The following AOAH variants were observed in gnomAD, a reference collection of about 807,000 sequenced individuals.
AOAH encodes acyloxyacyl hydrolase, also known as acyloxyacyl hydrolase (neutrophil).
A neutral mutation model predicts 92.2 loss-of-function variants in AOAH; 64 were observed. That is an observed-to-expected ratio of 0.69 (90% CI 0.57 to 0.86). The LOEUF is 0.86. AOAH is among the 40% of genes least tolerant of loss of function. The pLI, the probability that AOAH is intolerant of heterozygous loss-of-function variation, is 0.00. For missense variants in AOAH, 656 were observed against 694.6 expected, an observed-to-expected ratio of 0.94 and a Z score of 0.62; for synonymous variants, 263 against 254.5, an observed-to-expected ratio of 1.03 and a Z score of -0.32.
chr7:36,623,768 T>C (rs1185178183), intron 6 of AOAH, among the ~76,000 whole-genome samples: 1 of 152,196 alleles, frequency 6.6e-6, no homozygotes, highest in African/African-American at 2.4e-5. Context: ...ACGAAATAAA[T>C]TGATGCCAAA....
chr7:36,700,480 T>C lies in AOAH; in HGVS notation c.128-13686A>G, dbSNP rs866126995. Among the ~76,000 whole-genome samples, 99 of 152,230 alleles carry C rather than the reference T, an allele frequency of 6.5e-4. 1 individual carries two copies. The highest frequency in any genetic ancestry group is 2.3e-3 in the African/African-American group (97 of 41,574). ...AGATAATGGCCTCCAGTTCCATCCA[T>C]GTTGTTGCAAAAGACATGATTTCAT... On this transcript the variant is annotated intron_variant, in intron 1 of 20. Coordinates refer to ENST00000617537, the MANE Select transcript of AOAH (RefSeq NM_001637.4).
rs200938965 is a variant in AOAH, at chr7:36,569,816, C to T, written c.1021+6758G>A. ...TTAGTAGAGATGAGGTTTCACCATG[C>T]TGGCCAGGCTGGTCTCAAACTCCTG... On this transcript the variant is annotated intron_variant, in intron 13 of 20. Coordinates refer to ENST00000617537, the MANE Select transcript of AOAH (RefSeq NM_001637.4). 4.6e-5 allele frequency among the ~76,000 whole-genome samples: 7 copies of T among 152,020 alleles called. No homozygotes were observed. In the East Asian group the frequency reaches 1.2e-3, roughly 25 times the overall value.
At position 36,621,713 on chromosome 7, in the gene AOAH, C is replaced by T. The variant is rs1315298983; in HGVS notation, c.650G>A (p.Arg217Lys). ...AGCAACCAGCAGAAATAGTTACCTT[C>T]TACCTGGGTACACTGACTCGTCGCT... Reference protein sequence around the residue: ...NDSDESVYPGRRPNNWDVHQD... With the variant: ...NDSDESVYPGKRPNNWDVHQD... Residue 217 changes from arginine (R) to lysine (K), a missense_variant, in exon 8 of 21, where the codon AGA (arginine) becomes AAA (lysine). Physicochemically the swap from Arg to Lys is conservative, Grantham distance 26 (BLOSUM62 2). Transcript: ENST00000617537. The T allele has an allele frequency of 6.2e-7, 1 of 1,614,082 alleles. No individual in the cohort carries two copies. The highest frequency in any genetic ancestry group is 1.1e-5 in the South Asian group (1 of 91,088).
intron 1 of AOAH, among the ~76,000 whole-genome samples, chr7:36,698,157 A>G (rs1797830047): frequency 6.6e-6 from 1 of 152,086 alleles, no homozygotes; most frequent in Admixed American, 6.5e-5. Flanking sequence ...TTTTTCTTAA[A>G]TCATGTCTCC....
rs1027700111 is a variant in AOAH at position 36,690,396 on chromosome 7, G to A, written c.128-3602C>T. 1.1e-4 allele frequency among the ~76,000 whole-genome samples: 17 copies of A among 152,208 alleles called. 1 individual carries two copies. The East Asian group carries it at 1.5e-3, about 14-fold the overall frequency. On this transcript the variant is annotated intron_variant, in intron 1 of 20. Coordinates refer to ENST00000617537, the MANE Select transcript of AOAH (RefSeq NM_001637.4). ...GAGTCCTGCTCATTCAGCCATCTCC[G>A]CCTGTCTCCAGTGGGCTCACCTCCC...
rs1216342521 is a variant in AOAH at position 36,540,136 on chromosome 7, A to G, written c.1306+183T>C. ...TCTGCCCTTTCTGCCTTTGGATCTGATTCGGCTCACCTCTGGATAATGACC... is the reference window on the plus strand; with the variant it reads ...TCTGCCCTTTCTGCCTTTGGATCTGGTTCGGCTCACCTCTGGATAATGACC... On this transcript the variant is annotated intron_variant, in intron 16 of 20. Coordinates refer to ENST00000617537, the MANE Select transcript of AOAH (RefSeq NM_001637.4). 2.0e-5 allele frequency among the ~76,000 whole-genome samples: 3 copies of G among 147,984 alleles called. No individual in the cohort carries two copies. The East Asian group carries it at 5.8e-4, about 28-fold the overall frequency.
At chr7:36,593,050 C>A (rs974836827) in intron 12 of AOAH, among the ~76,000 whole-genome samples, 3 of 152,168 alleles carry the variant, frequency 2.0e-5, no homozygotes, top group Non-Finnish European at 4.4e-5. Context: ...CCATGTGTTA[C>A]CCACCCAAAG....
At chr7:36,555,765 A>G (rs1299233101) in intron 13 of AOAH, among the ~76,000 whole-genome samples, 2 of 152,044 alleles carry the variant, frequency 1.3e-5, no homozygotes, top group Non-Finnish European at 2.9e-5. Flanking sequence ...TTTCTAGTTT[A>G]TTTGCGTAGA....
chr7:36,599,257 G>C (rs951064658), intron 11 of AOAH, among the ~76,000 whole-genome samples: 15 of 152,134 alleles, frequency 9.9e-5, no homozygotes, highest in Non-Finnish European at 1.9e-4. Context: ...ATTCGAATTT[G>C]GTAATATTTT....
At chr7:36,705,716 G>A (rs1184927402) in intron 1 of AOAH, among the ~76,000 whole-genome samples, 2 of 152,024 alleles carry the variant, frequency 1.3e-5, no homozygotes, top group Admixed American at 6.6e-5. Flanking sequence ...GAGGCATCAC[G>A]TTACCTGACT....
chr7:36,703,724 T>A (rs1265149911), intron 1 of AOAH, among the ~76,000 whole-genome samples: 2 of 151,928 alleles, frequency 1.3e-5, no homozygotes, highest in Non-Finnish European at 2.9e-5. Context: ...GGACACGAAG[T>A]CATTGGTTCC....
At chr7:36,668,196 TGTG>T (rs1427791723) in intron 3 of AOAH, among the ~76,000 whole-genome samples, 1 of 151,908 alleles carries the variant, frequency 6.6e-6, no homozygotes, top group African/African-American at 2.4e-5. Flanking sequence ...GAGGTTTTTG[TGTG>T]TGTGTGTGTG....
intron 12 of AOAH, among the ~76,000 whole-genome samples, chr7:36,583,032 A>G (rs1014689319): frequency 1.3e-5 from 2 of 152,112 alleles, no homozygotes; most frequent in African/African-American, 4.8e-5. Context: ...TTTAGTAGAG[A>G]CAGGGTTTCA....
chr7:36,515,256 CACAT>C (rs1466839237), intron 20 of AOAH, among the ~76,000 whole-genome samples: 7 of 139,254 alleles, frequency 5.0e-5, no homozygotes, highest in African/African-American at 1.6e-4. Context: ...ACACCACACA[CACAT>C]ACATCACACA....
At chr7:36,711,549 A>C (rs1475490319) in intron 1 of AOAH, among the ~76,000 whole-genome samples, 1 of 152,162 alleles carries the variant, frequency 6.6e-6, no homozygotes. Flanking sequence ...CAGGTGGTGA[A>C]AAATTCAGAT....
At chr7:36,649,996 A>G (rs543732099) in intron 4 of AOAH, among the ~76,000 whole-genome samples, 11 of 152,306 alleles carry the variant, frequency 7.2e-5, no homozygotes, top group African/African-American at 2.6e-4. Context: ...TAATAGAGCT[A>G]TAACACTCAC....
chr7:36,549,694 T>C (rs1475742252), intron 13 of AOAH, among the ~76,000 whole-genome samples: 1 of 152,206 alleles, frequency 6.6e-6, no homozygotes, highest in Admixed American at 6.5e-5. Context: ...TTTAGCAGTA[T>C]ATTAACAAAA....
intron 13 of AOAH, among the ~76,000 whole-genome samples, chr7:36,560,689 T>C (rs1390448078): frequency 6.6e-6 from 1 of 152,226 alleles, no homozygotes; most frequent in African/African-American, 2.4e-5. Flanking sequence ...GAGAGACGGT[T>C]TGACTTCTTC....
At chr7:36,638,558 C>T (rs1426980708) in intron 4 of AOAH, among the ~76,000 whole-genome samples, 1 of 151,962 alleles carries the variant, frequency 6.6e-6, no homozygotes, top group Non-Finnish European at 1.5e-5. Flanking sequence ...CTCCAAAGAA[C>T]ACTGTGTTTG....
Sources: gnomAD v4.1 joint callset for allele counts (sites outside exome capture counted in the v4.1 genomes callset) on GRCh38, gnomAD v4.1.1 for gene constraint, MANE v1.5 for transcripts, NCBI Gene and HGNC (gene_info 2026-07-23, HGNC 2026-07-21) for gene names.